PBX1: variants seen among roughly 807,000 people sequenced by gnomAD.
The protein encoded by PBX1 is PBX homeobox 1.
Under a neutral mutation model 53.4 loss-of-function variants are expected in PBX1, and 6 were observed. That is an observed-to-expected ratio of 0.11 (90% CI 0.06 to 0.22). The LOEUF (loss-of-function observed/expected upper bound fraction) is 0.22. Ranked by LOEUF, PBX1 falls within the 10% of genes least tolerant of loss-of-function variation. The pLI is 1.00. For missense variants in PBX1, 251 were observed against 551.4 expected (o/e 0.46, Z 5.46); for synonymous variants, 204 against 212.3 (o/e 0.96, Z 0.34).
chr1:164,845,736 TG>T (rs1425096465), intron 8 of PBX1, among the ~76,000 whole-genome samples: 1 of 152,170 alleles, frequency 6.6e-6, no homozygotes. Flanking sequence ...TCTTGTAAAA[TG>T]ATCTCCAAAT....
At chr1:164,874,481 G>A (rs1169432255) in intron 2 of PBX1, among the ~76,000 whole-genome samples, 6 of 151,844 alleles carry the variant, frequency 4.0e-5, no homozygotes, top group African/African-American at 9.7e-5. Flanking sequence ...ATTTTTGTTC[G>A]TTTGTTTCTT....
At chr1:164,739,652 C>T (rs1665492403) in intron 2 of PBX1, among the ~76,000 whole-genome samples, 1 of 151,984 alleles carries the variant, frequency 6.6e-6, no homozygotes. Context: ...TACTTTTTCC[C>T]CCTTGCCTTT....
At chr1:164,799,399 G>A (rs868491142) in intron 3 of PBX1, among the ~76,000 whole-genome samples, 1 of 152,156 alleles carries the variant, frequency 6.6e-6, no homozygotes, top group Non-Finnish European at 1.5e-5. Context: ...GCTGAGGCAG[G>A]AGAATGGCGT....
At chr1:164,602,565 C>CAT (rs1323277064) in intron 2 of PBX1, among the ~76,000 whole-genome samples, 1 of 152,130 alleles carries the variant, frequency 6.6e-6, no homozygotes, top group Non-Finnish European at 1.5e-5. Flanking sequence ...CAGACTCATA[C>CAT]AGCCTCCACA....
chr1:164,563,630 G>C (rs1653218151), intron 2 of PBX1, among the ~76,000 whole-genome samples: 1 of 152,108 alleles, frequency 6.6e-6, no homozygotes, highest in African/African-American at 2.4e-5. Context: ...GAAAGTAAAA[G>C]TTCATTTTTT....
chr1:164,761,286 G>A (rs554369886), intron 2 of PBX1, among the ~76,000 whole-genome samples: 38 of 152,284 alleles, frequency 2.5e-4, no homozygotes, highest in African/African-American at 8.9e-4. Flanking sequence ...AAATTTATGA[G>A]TATAATCTTA....
At position 164,850,141 on chromosome 1, in the gene PBX1, C is replaced by T; in HGVS notation, c.*3465C>T. On this transcript the variant is annotated 3_prime_UTR_variant, in exon 9 of 9. Transcript: ENST00000420696. ...ACGCAAAACAGGATGGGGAATTTCC[C>T]CTCTTCTTTCTGTGACAATGCGCAT... is the stretch of plus-strand genomic sequence containing the variant. 8.8e-6 allele frequency: 2 copies of T among 227,694 alleles called. No individual in the cohort carries two copies. Among genetic ancestry groups the T allele is most frequent in the Non-Finnish European group, 1.7e-5 (2 of 114,764 alleles). The allele number at this position is 227,694 out of a possible 1,614,324, so 14.1% of individuals were successfully genotyped here.
chr1:164,563,351 C>A, intron 2 of PBX1, 40 bp downstream of exon 2: 2 of 1,313,074 alleles, frequency 1.5e-6, no homozygotes, highest in Non-Finnish European at 1.1e-6. Context: ...TTTCTTTGGC[C>A]AATTAAATCA....
intron 2 of PBX1, among the ~76,000 whole-genome samples, chr1:164,740,990 G>A (rs1266964835): frequency 6.6e-6 from 1 of 152,126 alleles, no homozygotes; most frequent in Admixed American, 6.5e-5. Flanking sequence ...AATCTTACAA[G>A]AGCTAATAAT....
chr1:164,875,409 C>T (rs184233528), intron 2 of PBX1, among the ~76,000 whole-genome samples: 131 of 152,202 alleles, frequency 8.6e-4, no homozygotes, highest in Middle Eastern at 3.4e-3. Flanking sequence ...CTCAAGAGAT[C>T]CTCACACTTC....
chr1:164,727,253 T>C (rs1289458805), intron 2 of PBX1, among the ~76,000 whole-genome samples: 1 of 152,242 alleles, frequency 6.6e-6, no homozygotes, highest in Non-Finnish European at 1.5e-5. Flanking sequence ...AATATCTGCC[T>C]TATGATCTAA....
At chr1:164,681,809 T>C (rs2101998375) in intron 2 of PBX1, among the ~76,000 whole-genome samples, 1 of 151,140 alleles carries the variant, frequency 6.6e-6, no homozygotes, top group Non-Finnish European at 1.5e-5. Flanking sequence ...AACCTACACA[T>C]GCACCCCTGA....
intron 2 of PBX1, among the ~76,000 whole-genome samples, chr1:164,591,630 T>C (rs1353514036): frequency 6.6e-6 from 1 of 152,242 alleles, no homozygotes; most frequent in Admixed American, 6.5e-5. Flanking sequence ...CGCTGCTTTC[T>C]TGGCAGTGCT....
At chr1:164,701,595 A>T (rs1257272413) in intron 2 of PBX1, among the ~76,000 whole-genome samples, 1 of 152,070 alleles carries the variant, frequency 6.6e-6, no homozygotes, top group Non-Finnish European at 1.5e-5. Flanking sequence ...CTTATTAGAA[A>T]CTACCTCTTC....
In PBX1 at chr1:164,865,599, T is replaced by C. The variant is rs112592620; in HGVS notation, n.258-33589T>C. 4.9e-3 allele frequency among the ~76,000 whole-genome samples: 751 copies of C among 152,304 alleles called. 5 individuals are homozygous for C. Among genetic ancestry groups the C allele is most frequent in the African/African-American group, 0.017 (716 of 41,566 alleles). ...CTCTAAGTAGGTGCTATTATTATAT[T>C]CATTACAAACGAAGAAACTGAAGCA... On this transcript the variant is annotated intron_variant and non_coding_transcript_variant, in intron 2 of 2. Coordinates refer to the PBX1 transcript ENST00000558796.
At chr1:164,653,592 G>C (rs1049612851) in intron 2 of PBX1, among the ~76,000 whole-genome samples, 1 of 152,122 alleles carries the variant, frequency 6.6e-6, no homozygotes, top group Non-Finnish European at 1.5e-5. Flanking sequence ...GGCCAACGTG[G>C]TGAAACCCCG....
chr1:164,675,836 A>G (rs906585912), intron 2 of PBX1, among the ~76,000 whole-genome samples: 1 of 151,978 alleles, frequency 6.6e-6, no homozygotes, highest in African/African-American at 2.4e-5. Context: ...AGAGATTTCT[A>G]TGTTTCATCA....
intron 2 of PBX1, among the ~76,000 whole-genome samples, chr1:164,713,129 A>C (rs1013273417): frequency 3.3e-5 from 5 of 152,130 alleles, no homozygotes; most frequent in Non-Finnish European, 7.4e-5. Flanking sequence ...TTCGTTAATG[A>C]CTGACACTAA....
chr1:164,806,688 T>C (rs1180060653), intron 4 of PBX1, among the ~76,000 whole-genome samples: 3 of 152,190 alleles, frequency 2.0e-5, no homozygotes, highest in African/African-American at 4.8e-5. Flanking sequence ...TCTTCATCGG[T>C]AAATACGAAT....
Sources: gnomAD v4.1 joint callset for allele counts (sites outside exome capture counted in the v4.1 genomes callset) on GRCh38, gnomAD v4.1.1 for gene constraint, MANE v1.5 for transcripts, NCBI Gene and HGNC (gene_info 2026-07-23, HGNC 2026-07-21) for gene names.